Variants in UTRN observed in about 807,000 individuals in gnomAD.
The protein encoded by UTRN is utrophin.
In UTRN, 283 loss-of-function variants were observed where a neutral mutation model predicts 463.9. That is an observed-to-expected ratio of 0.61 (90% confidence interval 0.55 to 0.67). The LOEUF (loss-of-function observed/expected upper bound fraction) is 0.67, where lower values mean the gene tolerates loss of function less well. UTRN is among the 30% of genes least tolerant of loss of function. UTRN has a pLI of 0.00. For missense variants in UTRN, 3,922 were observed against 4,084.3 expected (o/e 0.96, Z 1.08); for synonymous variants, 1,442 against 1,431.5 (o/e 1.01, Z -0.17).
chr6:144,587,941 A>T (rs1918752), intron 51 of UTRN, among the ~76,000 whole-genome samples: 33,209 of 152,036 alleles, frequency 0.22, 7,562 homozygotes, highest in African/African-American at 0.55. Context: ...TCTTGGTTAG[A>T]TTAGTACAGA....
chr6:144,791,737 A>G (rs1249374545), intron 62 of UTRN, among the ~76,000 whole-genome samples: 1 of 152,182 alleles, frequency 6.6e-6, no homozygotes, highest in Non-Finnish European at 1.5e-5. Context: ...GAGAATGTGA[A>G]CTTTTGTAGG....
chr6:144,657,395 A>C (rs952632190), intron 51 of UTRN, among the ~76,000 whole-genome samples: 30 of 152,132 alleles, frequency 2.0e-4, no homozygotes, highest in African/African-American at 7.2e-4. Context: ...AGTTCTGAGA[A>C]GGTAGCTGAT....
At chr6:144,659,669 G>A (rs559189517) in intron 51 of UTRN, among the ~76,000 whole-genome samples, 1 of 151,524 alleles carries the variant, frequency 6.6e-6, no homozygotes, top group African/African-American at 2.4e-5. Context: ...CTCCTCCTTC[G>A]AACTCTACAT....
At chr6:144,668,397 G>A (rs1394913867) in intron 51 of UTRN, among the ~76,000 whole-genome samples, 1 of 152,250 alleles carries the variant, frequency 6.6e-6, no homozygotes, top group East Asian at 1.9e-4. Context: ...AGCATTCTGA[G>A]TATTTAAAGT....
chr6:144,616,561 T>C (rs2128645291), intron 51 of UTRN, among the ~76,000 whole-genome samples: 1 of 152,090 alleles, frequency 6.6e-6, no homozygotes, highest in East Asian at 1.9e-4. Flanking sequence ...AAAGCCCTTT[T>C]TTAAAAAAGA....
chr6:144,771,349 C>T (rs1407670962), intron 58 of UTRN, among the ~76,000 whole-genome samples: 2 of 152,116 alleles, frequency 1.3e-5, no homozygotes, highest in Admixed American at 6.5e-5. Flanking sequence ...GTCTCAAACT[C>T]CTGGGCTCCC....
chr6:144,393,102 G>A (rs1174657042), intron 2 of UTRN, among the ~76,000 whole-genome samples: 1 of 152,086 alleles, frequency 6.6e-6, no homozygotes, highest in African/African-American at 2.4e-5. Context: ...GAAGTGAGAT[G>A]TTATTTGGAA....
chr6:144,553,915 CAAAA>C (rs397886619), intron 48 of UTRN, among the ~76,000 whole-genome samples: 2 of 99,822 alleles, frequency 2.0e-5, no homozygotes, highest in African/African-American at 6.7e-5. Flanking sequence ...GACTCTCTCT[CAAAA>C]AAAAAAAAAA....
intron 2 of UTRN, among the ~76,000 whole-genome samples, chr6:144,378,719 T>C (rs544711275): frequency 6.6e-6 from 1 of 152,308 alleles, no homozygotes; most frequent in African/African-American, 2.4e-5. Flanking sequence ...CAGGGCCATA[T>C]GAACCATGTT....
intron 73 of UTRN, among the ~76,000 whole-genome samples, chr6:144,842,021 A>G (rs1032013812): frequency 6.7e-6 from 1 of 149,812 alleles, no homozygotes; most frequent in Non-Finnish European, 1.5e-5. Context: ...GAGGCAGGAG[A>G]ATCGCTTGAA....
intron 2 of UTRN, among the ~76,000 whole-genome samples, chr6:144,399,478 A>G (rs913897242): frequency 2.6e-5 from 4 of 152,200 alleles, no homozygotes; most frequent in Non-Finnish European, 5.9e-5. Context: ...AAGAGGCCTT[A>G]ATAAAATCAA....
intron 51 of UTRN, among the ~76,000 whole-genome samples, chr6:144,600,449 G>A (rs956269811): frequency 2.6e-5 from 4 of 152,212 alleles, no homozygotes; most frequent in African/African-American, 4.8e-5. Context: ...TAGCCTTACT[G>A]TTGATAGTGA....
At chr6:144,767,851 T>A (rs1204758964) in intron 58 of UTRN, among the ~76,000 whole-genome samples, 1 of 152,222 alleles carries the variant, frequency 6.6e-6, no homozygotes, top group East Asian at 1.9e-4. Context: ...TTATATGCCT[T>A]TATAATTATA....
At chr6:144,549,121 T>G (rs1798678309) in intron 47 of UTRN, among the ~76,000 whole-genome samples, 1 of 152,236 alleles carries the variant, frequency 6.6e-6, no homozygotes, top group South Asian at 2.1e-4. Flanking sequence ...GCTAGGCACA[T>G]TAGTATAAAT....
At chr6:144,812,255 T>C (rs1453394401) in intron 65 of UTRN, among the ~76,000 whole-genome samples, 2 of 152,208 alleles carry the variant, frequency 1.3e-5, no homozygotes, top group African/African-American at 4.8e-5. Context: ...AATAGCTTCC[T>C]TTCATGTGTT....
chr6:144,508,830 G>A (rs967654020), intron 34 of UTRN, among the ~76,000 whole-genome samples: 1 of 152,130 alleles, frequency 6.6e-6, no homozygotes, highest in Non-Finnish European at 1.5e-5. Flanking sequence ...AGTGCTATTG[G>A]TTGAGTAATT....
rs1197821263 is a variant in UTRN at position 144,467,820 on chromosome 6, G to GTAAA, written c.3066+4954_3066+4955insTAAA. ...TGTGAACACATTTTACTTTACTGAA[G>GTAAA]GGAATATTCATATATTCCCTTCCTT... On this transcript the variant is annotated intron_variant, in intron 23 of 74. Transcript: ENST00000367545. Among the ~76,000 whole-genome samples the GTAAA allele has an allele frequency of 1.2e-4, 18 of 151,986 alleles. No homozygotes were observed. The East Asian group carries it at 2.5e-3, about 21-fold the overall frequency.
chr6:144,519,492 G>A (rs1195573185), intron 39 of UTRN, among the ~76,000 whole-genome samples: 2 of 152,102 alleles, frequency 1.3e-5, no homozygotes, highest in African/African-American at 4.8e-5. Context: ...TCTCATTTAA[G>A]TACTGACCTC....
chr6:144,537,008 AGTT>A (rs2128604721), intron 43 of UTRN, among the ~76,000 whole-genome samples: 2 of 152,144 alleles, frequency 1.3e-5, no homozygotes, highest in Non-Finnish European at 2.9e-5. Flanking sequence ...CAAATATAAT[AGTT>A]ATTTTAATAA....
Sources: gnomAD v4.1 joint callset for allele counts (sites outside exome capture counted in the v4.1 genomes callset) on GRCh38, gnomAD v4.1.1 for gene constraint, MANE v1.5 for transcripts, NCBI Gene and HGNC (gene_info 2026-07-23, HGNC 2026-07-21) for gene names.